Variants in SOX6 observed in about 807,000 individuals in gnomAD.
The protein encoded by SOX6 is transcription factor SOX-6.
A neutral mutation model predicts 97.8 loss-of-function variants in SOX6; 11 were observed. The observed-to-expected ratio is 0.11, with a 90% CI of 0.07 to 0.19. The LOEUF (loss-of-function observed/expected upper bound fraction) is 0.19. SOX6 is among the 10% of genes least tolerant of loss of function. The pLI is 1.00. For synonymous variants in SOX6, 360 were observed against 371.4 expected (o/e 0.97, Z 0.35); for missense variants, 810 against 1,039.5 (o/e 0.78, Z 3.04).
At chr11:16,436,764 A>C (rs1163219853) in intron 1 of SOX6, among the ~76,000 whole-genome samples, 1 of 152,154 alleles carries the variant, frequency 6.6e-6, no homozygotes, top group African/African-American at 2.4e-5. Context: ...TTGCATAAGA[A>C]TTTTTCGGTA....
intron 1 of SOX6, among the ~76,000 whole-genome samples, chr11:16,383,155 A>C (rs1490609685): frequency 2.0e-5 from 3 of 151,924 alleles, no homozygotes; most frequent in Non-Finnish European, 4.4e-5. Context: ...TTTCCTTCAT[A>C]AAATGTTTAA....
intron 4 of SOX6, among the ~76,000 whole-genome samples, chr11:16,216,559 A>G (rs1477272301): frequency 6.6e-6 from 1 of 151,950 alleles, no homozygotes; most frequent in Admixed American, 6.6e-5. Context: ...TATAATACAG[A>G]GAGTCTCTTC....
intron 1 of SOX6, among the ~76,000 whole-genome samples, chr11:16,399,314 T>C (rs1858476498): frequency 6.6e-6 from 1 of 151,134 alleles, no homozygotes; most frequent in Non-Finnish European, 1.5e-5. Flanking sequence ...ATAGATAACT[T>C]AAAGCAGTAA....
intron 4 of SOX6, among the ~76,000 whole-genome samples, chr11:16,202,944 G>GA (rs1306311053): frequency 1.3e-5 from 2 of 151,814 alleles, no homozygotes; most frequent in Non-Finnish European, 1.5e-5. Flanking sequence ...ACATGACTGG[G>GA]AAAAAAAAGA....
At chr11:16,664,159 A>G (rs1847787307) in intron 3 of SOX6, among the ~76,000 whole-genome samples, 1 of 152,242 alleles carries the variant, frequency 6.6e-6, no homozygotes, top group African/African-American at 2.4e-5. Context: ...TCCACTCTTC[A>G]TCCTCCCCAC....
At chr11:16,551,402 T>C (rs1002919651) in intron 4 of SOX6, among the ~76,000 whole-genome samples, 9 of 151,958 alleles carry the variant, frequency 5.9e-5, no homozygotes, top group African/African-American at 2.2e-4. Flanking sequence ...AACCCAACCA[T>C]ATAGATAATT....
intron 6 of SOX6, among the ~76,000 whole-genome samples, chr11:16,114,883 A>G (rs1315372195): frequency 2.7e-5 from 4 of 148,006 alleles, no homozygotes; most frequent in African/African-American, 1.0e-4. Flanking sequence ...GCAATTAGAA[A>G]CCAGAATTAA....
intron 6 of SOX6, among the ~76,000 whole-genome samples, chr11:16,140,898 T>TA (rs1850116390): frequency 6.6e-6 from 1 of 152,022 alleles, no homozygotes; most frequent in Non-Finnish European, 1.5e-5. Flanking sequence ...ATAACCAGAA[T>TA]AAAAAATATC....
At chr11:16,237,731 T>C (rs1036100248) in intron 3 of SOX6, among the ~76,000 whole-genome samples, 1 of 152,036 alleles carries the variant, frequency 6.6e-6, no homozygotes, top group Non-Finnish European at 1.5e-5. Context: ...TTTATAAACA[T>C]AAATATATTT....
intron 4 of SOX6, among the ~76,000 whole-genome samples, chr11:16,512,351 CACATTCATCTCTATG>C (rs1860893718): frequency 6.6e-6 from 1 of 152,158 alleles, no homozygotes; most frequent in Non-Finnish European, 1.5e-5. Context: ...TACATCACAC[CACATTCATCTCTATG>C]ACATCACATC....
intron 4 of SOX6, among the ~76,000 whole-genome samples, chr11:16,523,387 G>T (rs1216514161): frequency 1.3e-5 from 2 of 152,094 alleles, no homozygotes; most frequent in African/African-American, 4.8e-5. Flanking sequence ...TGACTACTGG[G>T]TACATAAGGA....
chr11:16,533,764 G>C (rs1255261946), intron 4 of SOX6, among the ~76,000 whole-genome samples: 1 of 151,978 alleles, frequency 6.6e-6, no homozygotes, highest in Non-Finnish European at 1.5e-5. Flanking sequence ...ATGTCATTTG[G>C]TGACAATAAA....
intron 4 of SOX6, among the ~76,000 whole-genome samples, chr11:16,192,650 C>T (rs1590015824): frequency 6.6e-6 from 1 of 150,864 alleles, no homozygotes; most frequent in African/African-American, 2.4e-5. Flanking sequence ...ACTACCTGTC[C>T]CCAGGCCCAA....
chr11:16,674,891 G>T (rs1293125464), intron 3 of SOX6, among the ~76,000 whole-genome samples: 1 of 152,162 alleles, frequency 6.6e-6, no homozygotes, highest in Non-Finnish European at 1.5e-5. Flanking sequence ...GCAGAGGAAG[G>T]TTGCAGTGAG....
chr11:16,485,931 G>GGGAGGGGAGA, intron 4 of SOX6, among the ~76,000 whole-genome samples: 1 of 52,948 alleles, frequency 1.9e-5, no homozygotes, highest in Non-Finnish European at 3.4e-5. Flanking sequence ...GGGAGGGGAG[G>GGGAGGGGAGA]GGAGGGGAGA....
chr11:16,274,390 T>C (rs1467986238), intron 3 of SOX6, among the ~76,000 whole-genome samples: 1 of 152,158 alleles, frequency 6.6e-6, no homozygotes, highest in Non-Finnish European at 1.5e-5. Context: ...TCACTTATCC[T>C]TCCATTTGTA....
chr11:16,523,860 C>G (rs373625864), intron 4 of SOX6, among the ~76,000 whole-genome samples: 3 of 152,144 alleles, frequency 2.0e-5, no homozygotes, highest in African/African-American at 7.2e-5. Context: ...AACACCTCTA[C>G]GCAAACAAAC....
At chr11:16,426,266 A>G (rs1859127639) in intron 1 of SOX6, among the ~76,000 whole-genome samples, 1 of 15,666 alleles carries the variant, frequency 6.4e-5, no homozygotes, top group Admixed American at 4.0e-4. Flanking sequence ...AAAAAAAAAA[A>G]AAAAAAAAAA....
chr11:16,224,482 C>A (rs1378944539), intron 4 of SOX6, among the ~76,000 whole-genome samples: 1 of 151,944 alleles, frequency 6.6e-6, no homozygotes, highest in Non-Finnish European at 1.5e-5. Flanking sequence ...TTTCCAGTAG[C>A]TTTTGTTTGA....
Sources: allele counts gnomAD v4.1 joint callset (sites outside exome capture counted in the v4.1 genomes callset), GRCh38; gene constraint gnomAD v4.1.1; transcripts MANE v1.5; gene names NCBI Gene and HGNC (gene_info 2026-07-23, HGNC 2026-07-21).